AKR1C1: variants seen among roughly 807,000 people sequenced by gnomAD.
AKR1C1 encodes aldo-keto reductase family 1 member C1.
Under a neutral mutation model 40.6 loss-of-function variants are expected in AKR1C1, and 32 were observed. The observed-to-expected ratio is 0.79, with a 90% confidence interval of 0.60 to 1.06. The LOEUF is 1.06. AKR1C1 is among the 50% of genes least tolerant of loss of function. The pLI, the probability that AKR1C1 is intolerant of heterozygous loss-of-function variation, is 0.00. For missense variants in AKR1C1, 320 were observed against 363.5 expected (o/e 0.88, Z 0.97); for synonymous variants, 105 against 134.2 (o/e 0.78, Z 1.50).
chr10:4,982,314 C>T lies in AKR1C1; in HGVS notation c.*4572C>T, dbSNP rs1310369985. 1.3e-5 allele frequency: 2 copies of T among 152,280 alleles called. No individual in the cohort carries two copies. Among genetic ancestry groups the T allele is most frequent in the Admixed American group, 6.5e-5 (1 of 15,276 alleles). The allele number at this position is 152,280 out of a possible 1,614,324, so 9.4% of individuals were successfully genotyped here. On this transcript the variant is annotated 3_prime_UTR_variant, in exon 9 of 9. Coordinates refer to ENST00000380872, the MANE Select transcript of AKR1C1 (RefSeq NM_001353.6). ...GCTTAACAAGCCCCTTCAATAAGTA[C>T]TTGGCGGAGGGATGCTGGGGGGACC...
chr10:4,967,117 C>G (rs1564315310), intron 3 of AKR1C1, 74 bp downstream of exon 3: 1 of 1,456,844 alleles, frequency 6.9e-7, no homozygotes, highest in Non-Finnish European at 9.6e-7. Context: ...GATATTTGAA[C>G]TAAGCATTTT....
chr10:4,963,931 G>C, intron 1 of AKR1C1: 2 of 736,298 alleles, frequency 2.7e-6, no homozygotes, highest in Non-Finnish European at 5.0e-6. Flanking sequence ...TGTTGGGAGA[G>C]TATCACTGTT....
chr10:4,968,823 C>A lies in AKR1C1; in HGVS notation c.449C>A (p.Ala150Asp). 1 of 1,614,088 alleles carries A rather than the reference C, an allele frequency of 6.2e-7. No homozygotes were observed. Among genetic ancestry groups the A allele is most frequent in the South Asian group, 1.1e-5 (1 of 91,074 alleles). Residue 150 changes from alanine (A) to aspartate (D), a missense_variant and splice_region_variant, in exon 5 of 9, where the codon GCC (alanine) becomes GAC (aspartate). Ala to Asp is a moderately radical substitution (Grantham distance 126). This residue lies in a region of AKR1C1 where 214 missense variants were observed against 214.8 expected (regional missense o/e 1.00). Transcript: ENST00000380872. ...DTVDLCATWE[A>D]VEKCKDAGLA... ...CACCTCACAATTCCTTTTTCCCAGG[C>A]CGTGGAGAAGTGTAAAGATGCAGGA...
intron 5 of AKR1C1, chr10:4,969,554 G>A (rs1564316153): frequency 4.7e-6 from 5 of 1,055,956 alleles, no homozygotes; most frequent in Non-Finnish European, 5.7e-6. Flanking sequence ...ACTGAGGAAG[G>A]TTCAGCAGAA....
chr10:4,982,991 G>C lies in AKR1C1; in HGVS notation c.*5249G>C, dbSNP rs1836644133. ...GCCTATCTACAGCCAGGGAGTCTCA[G>C]AGTCTACGTCACTCCCCTGCCACCT... is the stretch of plus-strand genomic sequence containing the variant. On this transcript the variant is annotated 3_prime_UTR_variant, in exon 9 of 9. Transcript: ENST00000380872. The C allele has an allele frequency of 4.5e-6, 2 of 446,518 alleles. No homozygotes were observed. The highest frequency in any genetic ancestry group is 9.0e-6 in the Non-Finnish European group (2 of 222,728). The allele number at this position is 446,518 out of a possible 1,614,324, so 27.7% of individuals were successfully genotyped here. A position where few individuals can be genotyped will look rare whatever the true frequency, so the allele number is the denominator to read the frequency against.
At chr10:4,974,293 G>T (rs1836489698) in intron 7 of AKR1C1, among the ~76,000 whole-genome samples, 1 of 151,376 alleles carries the variant, frequency 6.6e-6, no homozygotes, top group African/African-American at 2.4e-5. Flanking sequence ...AGATTAACTA[G>T]AAACCATACA....
chr10:4,976,998 A>C (rs1235081722), intron 8 of AKR1C1, among the ~76,000 whole-genome samples: 2 of 152,258 alleles, frequency 1.3e-5, no homozygotes, highest in Non-Finnish European at 2.9e-5. Flanking sequence ...TAGAACTCAA[A>C]TATGGTCTGG....
intron 7 of AKR1C1, among the ~76,000 whole-genome samples, chr10:4,973,954 T>G (rs1407795474): frequency 6.6e-5 from 10 of 151,208 alleles, no homozygotes; most frequent in South Asian, 4.1e-4. Context: ...ATGTCACATA[T>G]ATGACATATA....
At chr10:4,972,436 C>T (rs1326574595) in intron 6 of AKR1C1, 126 bp downstream of exon 6, 10 of 1,382,116 alleles carry the variant, frequency 7.2e-6, no homozygotes, top group African/African-American at 1.5e-5. Flanking sequence ...GCATTTCTGA[C>T]GAGATCCCAG....
rs782506836 is a variant in AKR1C1 at position 4,972,644 on chromosome 10, G to C, written c.741G>C (p.Lys247Asn). ...CAGTCCTTTGTGCCTTGGCAAAAAA[G>C]CACAAGCGAACCCCAGCCCTGATTG... ...EDPVLCALAKKHKRTPALIAL... is the reference protein window; with the variant it reads ...EDPVLCALAKNHKRTPALIAL... The change falls in exon 7 of 9, where the codon AAG (lysine) becomes AAC (asparagine). Residue 247 changes from lysine to asparagine, a missense_variant. Coordinates refer to ENST00000380872, the MANE Select transcript of AKR1C1 (RefSeq NM_001353.6). 11 of 1,613,192 alleles carry C rather than the reference G, an allele frequency of 6.8e-6. No homozygotes were observed. In the African/African-American group the frequency reaches 1.5e-4, roughly 22 times the overall value.
At chr10:4,965,602 GATT>G (rs949407137) in intron 1 of AKR1C1, 1 of 214,682 alleles carries the variant, frequency 4.7e-6, no homozygotes, top group Non-Finnish European at 9.1e-6. Flanking sequence ...AAATAATTAA[GATT>G]ATATCTATAA....
At chr10:4,965,728 C>T (rs925128408) in intron 1 of AKR1C1, 186 bp from the exon 2 acceptor site, 3 of 601,402 alleles carry the variant, frequency 5.0e-6, no homozygotes, top group Non-Finnish European at 8.1e-6. Context: ...GCAGAAGTTC[C>T]TGCTGTGCCC....
intron 6 of AKR1C1, 69 bp from the exon 7 acceptor site, chr10:4,972,515 G>C (rs1288426980): frequency 6.2e-7 from 1 of 1,610,430 alleles, no homozygotes; most frequent in Non-Finnish European, 8.5e-7. Context: ...GCCTTAGTCT[G>C]TTTAGGGAGC....
chr10:4,963,785 C>G, intron 1 of AKR1C1: 1 of 753,894 alleles, frequency 1.3e-6, no homozygotes, highest in Non-Finnish European at 2.5e-6. Flanking sequence ...CCTGCTCCCT[C>G]TCTTGAAGAT....
In AKR1C1 at chr10:4,977,593, A is replaced by T. The variant is rs1468773939; in HGVS notation, c.930-107A>T. On this transcript the variant is annotated intron_variant, in intron 8 of 8. Coordinates refer to ENST00000380872, the MANE Select transcript of AKR1C1 (RefSeq NM_001353.6). ...CAGATTCTAGAGCAGTCAGAAAATGAACTTCTTAACATCTACACTAGCGGC... is the reference window on the plus strand; with the variant it reads ...CAGATTCTAGAGCAGTCAGAAAATGTACTTCTTAACATCTACACTAGCGGC... The T allele has an allele frequency of 6.2e-6, 8 of 1,289,258 alleles. No individual in the cohort carries two copies. In the African/African-American group the frequency reaches 1.2e-4, roughly 19 times the overall value. The allele number at this position is 1,289,258 out of a possible 1,614,324, so 79.9% of individuals were successfully genotyped here.
rs782101767 is a variant in AKR1C1, at chr10:4,972,209, T to C, written c.579T>C (p.Cys193=). The change falls in exon 6 of 9, where the codon TGT becomes TGC. Residue 193 remains cysteine, a synonymous_variant. Coordinates refer to ENST00000380872, the MANE Select transcript of AKR1C1 (RefSeq NM_001353.6). ...KYKPVCNQVE[C]HPYFNQRKLL... ...ATCTTGCTCGTCTGCAGGTGGAATGTCATCCTTACTTCAACCAGAGAAAAC... is the reference window on the plus strand; with the variant it reads ...ATCTTGCTCGTCTGCAGGTGGAATGCCATCCTTACTTCAACCAGAGAAAAC... 3.1e-6 allele frequency: 5 copies of C among 1,613,810 alleles called. No homozygotes were observed. Among genetic ancestry groups the C allele is most frequent in the Non-Finnish European group, 4.2e-6 (5 of 1,179,972 alleles).
intron 1 of AKR1C1, among the ~76,000 whole-genome samples, chr10:4,965,203 A>G (rs1836311868): frequency 6.6e-6 from 1 of 151,580 alleles, no homozygotes; most frequent in African/African-American, 2.4e-5. Context: ...AGGAGCTTAC[A>G]CTGTATTCCT....
chr10:4,966,399 C>G (rs548789443), intron 2 of AKR1C1, among the ~76,000 whole-genome samples: 28 of 152,274 alleles, frequency 1.8e-4, no homozygotes, highest in Non-Finnish European at 1.3e-4. Context: ...GGGTGAGTTT[C>G]TTACACTTGT....
chr10:4,971,034 T>G (rs1288736387), intron 5 of AKR1C1, among the ~76,000 whole-genome samples: 2 of 152,002 alleles, frequency 1.3e-5, no homozygotes, highest in Non-Finnish European at 2.9e-5. Context: ...TCTTTAACAA[T>G]TACTAGTAAT....
Sources: allele counts gnomAD v4.1 joint callset (sites outside exome capture counted in the v4.1 genomes callset), GRCh38; gene constraint gnomAD v4.1.1; regional missense constraint gnomAD v4.1.1; transcripts MANE v1.5; gene names NCBI Gene and HGNC (gene_info 2026-07-23, HGNC 2026-07-21).